The following METTL24 variants were observed in gnomAD, a reference collection of about 807,000 sequenced individuals.
METTL24 encodes methyltransferase like 24.
METTL24 carries 29 observed loss-of-function variants against 32.7 expected under a neutral mutation model. The observed-to-expected ratio is 0.89, with a 90% CI of 0.66 to 1.21. The LOEUF (loss-of-function observed/expected upper bound fraction) is 1.21. Ranked by LOEUF, METTL24 falls within the 50% of genes most tolerant of loss-of-function variation. The probability of loss-of-function intolerance (pLI) is 0.00; values close to 1 mark genes in which losing one functional copy is unlikely to be tolerated. For synonymous variants in METTL24, 163 were observed against 179.5 expected (o/e 0.91, Z 0.73); for missense variants, 439 against 468.1 (o/e 0.94, Z 0.57).
chr6:110,305,062 C>T (rs947557169), intron 3 of METTL24, among the ~76,000 whole-genome samples: 17 of 152,228 alleles, frequency 1.1e-4, no homozygotes, highest in African/African-American at 4.1e-4. Flanking sequence ...CCAAACTAAG[C>T]TTCATAAGTG....
At chr6:110,266,295 T>C (rs1728947512) in intron 4 of METTL24, among the ~76,000 whole-genome samples, 1 of 152,158 alleles carries the variant, frequency 6.6e-6, no homozygotes. Context: ...CATATTCTAG[T>C]ATTCTCGGCT....
chr6:110,353,605 C>T lies in METTL24; in HGVS notation c.318+4350G>A, dbSNP rs1441055678. Among the ~76,000 whole-genome samples the T allele has an allele frequency of 5.9e-5, 8 of 136,322 alleles. No individual in the cohort carries two copies. The East Asian group carries it at 1.1e-3, about 20-fold the overall frequency. 89.4% of individuals were successfully genotyped at this position (136,322 alleles called of 152,430 possible). A position where few individuals can be genotyped will look rare whatever the true frequency, so the allele number is the denominator to read the frequency against. On this transcript the variant is annotated intron_variant, in intron 1 of 4. Transcript: ENST00000338882. ...ATGGTTCCAAAAGATCTGTAACTAA[C>T]GAACCAAGCCAGCACATTGCTGGGT...
chr6:110,358,192 C>T lies in METTL24; in HGVS notation c.81G>A (p.Leu27=), dbSNP rs1026881930. ...CLLGAVLLFG[L]RLCAELRRAG... Reference sequence around the variant, plus strand: ...CGCGCCGCAGCTCTGCGCAGAGCCGCAGGCCGAACAACAGCACAGCCCCGA... The same window carrying T: ...CGCGCCGCAGCTCTGCGCAGAGCCGTAGGCCGAACAACAGCACAGCCCCGA... The change falls in exon 1 of 5, where the codon CTG becomes CTA. Residue 27 remains leucine (L), a synonymous_variant. Coordinates refer to ENST00000338882, the MANE Select transcript of METTL24 (RefSeq NM_001123364.3). 1.4e-6 allele frequency: 2 copies of T among 1,448,936 alleles called. No homozygotes were observed. Among genetic ancestry groups the T allele is most frequent in the Non-Finnish European group, 9.0e-7 (1 of 1,107,474 alleles). The allele number at this position is 1,448,936 out of a possible 1,614,324, so 89.8% of individuals were successfully genotyped here.
At chr6:110,289,309 C>A (rs76428742) in intron 4 of METTL24, among the ~76,000 whole-genome samples, 2 of 152,038 alleles carry the variant, frequency 1.3e-5, no homozygotes, top group Non-Finnish European at 2.9e-5. Flanking sequence ...AAAAATCTGA[C>A]AAAAGTTTAA....
chr6:110,324,916 G>C (rs969182487), intron 1 of METTL24, among the ~76,000 whole-genome samples: 2 of 152,220 alleles, frequency 1.3e-5, no homozygotes, highest in African/African-American at 2.4e-5. Flanking sequence ...ATGGTCAGGT[G>C]GGGGAGACAG....
chr6:110,278,984 T>C (rs941400333), intron 4 of METTL24, among the ~76,000 whole-genome samples: 1 of 152,210 alleles, frequency 6.6e-6, no homozygotes, highest in African/African-American at 2.4e-5. Flanking sequence ...ATTGTGCCTT[T>C]GCACTCAGCC....
intron 3 of METTL24, among the ~76,000 whole-genome samples, chr6:110,299,713 G>A (rs1161072718): frequency 6.6e-6 from 1 of 152,078 alleles, no homozygotes; most frequent in African/African-American, 2.4e-5. Flanking sequence ...GAAGCAGACG[G>A]TTTCCTCACC....
intron 4 of METTL24, among the ~76,000 whole-genome samples, chr6:110,280,417 T>C (rs1771117524): frequency 1.3e-5 from 2 of 152,216 alleles, no homozygotes. Context: ...TGGGTTTTAT[T>C]ATACTTCACG....
At chr6:110,286,764 G>A (rs1418262045) in intron 4 of METTL24, among the ~76,000 whole-genome samples, 1 of 152,198 alleles carries the variant, frequency 6.6e-6, no homozygotes, top group Admixed American at 6.5e-5. Context: ...AGTGGGCTGG[G>A]AAAGGCAGAC....
intron 4 of METTL24, among the ~76,000 whole-genome samples, chr6:110,274,787 T>TC (rs1447167334): frequency 1.0e-3 from 149 of 147,620 alleles, no homozygotes; most frequent in African/African-American, 3.6e-3. Context: ...TTTTTTTTTT[T>TC]CCTTTTCGTT....
chr6:110,315,416 C>T lies in METTL24; in HGVS notation c.483G>A (p.Trp161Ter), dbSNP rs199870464. ...TGAACCTGTCGTCAAGACACACTGA[C>T]CAGGGCTTGTGTGTAGGACTAGAGT... is the stretch of plus-strand genomic sequence containing the variant. Reference protein sequence around the residue: ...ATDSSPTHKPWSVCLDDRFNL... With the variant: ...ATDSSPTHKP The change falls in exon 3 of 5, where the codon TGG (tryptophan) becomes TGA (stop). Residue 161 changes from tryptophan to a stop codon, truncating the protein, a stop_gained. Transcript: ENST00000338882. LOFTEE classifies it high-confidence loss of function. 7.6e-4 allele frequency: 1,234 copies of T among 1,614,108 alleles called. 1 individual carries two copies. Among genetic ancestry groups the T allele is most frequent in the South Asian group, 9.0e-4 (82 of 91,080 alleles).
At chr6:110,282,342 A>C (rs1771150638) in intron 4 of METTL24, among the ~76,000 whole-genome samples, 1 of 152,152 alleles carries the variant, frequency 6.6e-6, no homozygotes, top group African/African-American at 2.4e-5. Flanking sequence ...TATTGGCCTT[A>C]AACAATTCAA....
chr6:110,322,014 T>G (rs895588707), intron 2 of METTL24, among the ~76,000 whole-genome samples: 1 of 152,178 alleles, frequency 6.6e-6, no homozygotes, highest in Non-Finnish European at 1.5e-5. Context: ...GCTAATTTGC[T>G]AGCACCTCTC....
At chr6:110,251,379 A>T (rs937969914) in intron 4 of METTL24, among the ~76,000 whole-genome samples, 1 of 152,250 alleles carries the variant, frequency 6.6e-6, no homozygotes, top group Non-Finnish European at 1.5e-5. Flanking sequence ...TGGAATATTA[A>T]TAAAACATGG....
At chr6:110,315,121 A>G (rs1275496875) in intron 3 of METTL24, among the ~76,000 whole-genome samples, 1 of 152,062 alleles carries the variant, frequency 6.6e-6, no homozygotes, top group Non-Finnish European at 1.5e-5. Context: ...CCAACTTGCT[A>G]TCAGCAGAAT....
chr6:110,247,481 G>T (rs1202056169), intron 4 of METTL24, among the ~76,000 whole-genome samples: 1 of 152,122 alleles, frequency 6.6e-6, no homozygotes, highest in African/African-American at 2.4e-5. Context: ...AGCGAATATG[G>T]GTCAGTGAGT....
At chr6:110,286,043 C>T (rs1392172715) in intron 4 of METTL24, among the ~76,000 whole-genome samples, 2 of 152,168 alleles carry the variant, frequency 1.3e-5, no homozygotes, top group African/African-American at 2.4e-5. Flanking sequence ...TTCCTTGCTC[C>T]TTTCTCTCAC....
At chr6:110,316,346 A>G (rs1197691381) in intron 2 of METTL24, among the ~76,000 whole-genome samples, 1 of 152,240 alleles carries the variant, frequency 6.6e-6, no homozygotes, top group Non-Finnish European at 1.5e-5. Context: ...AGGCTAGTAC[A>G]TTTCGCACAG....
At chr6:110,312,581 G>A (rs1353879112) in intron 3 of METTL24, among the ~76,000 whole-genome samples, 2 of 152,182 alleles carry the variant, frequency 1.3e-5, no homozygotes, top group African/African-American at 2.4e-5. Context: ...GTATGTTAAA[G>A]GAAACAAATC....
Sources: allele counts gnomAD v4.1 joint callset (sites outside exome capture counted in the v4.1 genomes callset), GRCh38; gene constraint gnomAD v4.1.1; transcripts MANE v1.5; gene names NCBI Gene and HGNC (gene_info 2026-07-23, HGNC 2026-07-21).